Variants in GRIK2 observed in about 807,000 individuals in gnomAD.
The protein encoded by GRIK2 is glutamate ionotropic receptor kainate type subunit 2.
GRIK2 carries 32 observed loss-of-function variants against 100.3 expected under a neutral mutation model. The ratio of observed to expected loss-of-function variants is 0.32; its 90% CI spans 0.24 to 0.43. The LOEUF (loss-of-function observed/expected upper bound fraction) is 0.43, where lower values mean the gene tolerates loss of function less well. Ranked by LOEUF, GRIK2 falls within the 20% of genes least tolerant of loss-of-function variation. GRIK2 has a pLI of 1.00. For synonymous variants in GRIK2, 417 were observed against 389.4 expected (o/e 1.07, Z -0.83); for missense variants, 843 against 1,114.9 (o/e 0.76, Z 3.47).
chr6:101,965,869 G>A (rs1158183853), intron 14 of GRIK2, among the ~76,000 whole-genome samples: 3 of 151,988 alleles, frequency 2.0e-5, no homozygotes, highest in African/African-American at 4.8e-5. Context: ...ATCCTTGTCT[G>A]TATAAAACAA....
At chr6:102,021,730 C>A (rs1055992055) in intron 14 of GRIK2, among the ~76,000 whole-genome samples, 9 of 151,278 alleles carry the variant, frequency 5.9e-5, no homozygotes, top group Non-Finnish European at 4.4e-5. Context: ...ATATCTAATT[C>A]TCATACATTT....
chr6:101,579,768 T>C (rs1311661940), intron 2 of GRIK2, among the ~76,000 whole-genome samples: 1 of 151,506 alleles, frequency 6.6e-6, no homozygotes, highest in Non-Finnish European at 1.5e-5. Context: ...GGAGAATCAC[T>C]TGAACCCAGG....
At chr6:102,044,973 T>C (rs945382798) in intron 15 of GRIK2, among the ~76,000 whole-genome samples, 1 of 152,026 alleles carries the variant, frequency 6.6e-6, no homozygotes, top group Admixed American at 6.6e-5. Context: ...TAGTATTTGG[T>C]ATATAATATT....
At chr6:101,414,161 G>A (rs1776005167) in intron 2 of GRIK2, among the ~76,000 whole-genome samples, 1 of 152,218 alleles carries the variant, frequency 6.6e-6, no homozygotes, top group Non-Finnish European at 1.5e-5. Flanking sequence ...GAGGCATCTA[G>A]CAGTTCTTAG....
chr6:101,611,827 C>A (rs1002067424), intron 2 of GRIK2, among the ~76,000 whole-genome samples: 12 of 151,796 alleles, frequency 7.9e-5, no homozygotes, highest in Non-Finnish European at 1.3e-4. Context: ...CCACGGGTCA[C>A]ATGTATATAT....
chr6:101,863,412 G>A (rs914317671), intron 11 of GRIK2, among the ~76,000 whole-genome samples: 2 of 152,076 alleles, frequency 1.3e-5, no homozygotes, highest in Non-Finnish European at 2.9e-5. Context: ...GTTCTCTGCT[G>A]GGGCTGTACT....
chr6:101,552,640 C>T (rs1365844734), intron 2 of GRIK2, among the ~76,000 whole-genome samples: 1 of 152,138 alleles, frequency 6.6e-6, no homozygotes, highest in East Asian at 1.9e-4. Context: ...CTTTGTTGGT[C>T]TTTGAGATGC....
intron 7 of GRIK2, among the ~76,000 whole-genome samples, chr6:101,726,337 C>G (rs1252306268): frequency 2.6e-5 from 4 of 151,928 alleles, no homozygotes; most frequent in African/African-American, 4.8e-5. Context: ...TTTCCAGAAG[C>G]TAATGAAAGG....
At position 101,855,497 on chromosome 6, in the gene GRIK2, G is replaced by A. The variant is rs144268057; in HGVS notation, c.1318-3790G>A. ...GGTTAAATGACGAGAAAACAACCATGTGAAGATCTTAAGATAGATCTTCCC... is the reference window on the plus strand; with the variant it reads ...GGTTAAATGACGAGAAAACAACCATATGAAGATCTTAAGATAGATCTTCCC... On this transcript the variant is annotated intron_variant, in intron 10 of 16. Coordinates refer to ENST00000369134, the MANE Select transcript of GRIK2 (RefSeq NM_021956.5). Among the ~76,000 whole-genome samples, 128 of 152,224 alleles carry A rather than the reference G, an allele frequency of 8.4e-4. No homozygotes were observed. In the East Asian group the frequency reaches 0.017, roughly 21 times the overall value.
At chr6:101,684,869 G>A (rs1273927105) in intron 6 of GRIK2, among the ~76,000 whole-genome samples, 1 of 152,084 alleles carries the variant, frequency 6.6e-6, no homozygotes, top group Non-Finnish European at 1.5e-5. Context: ...TCCAGGTATA[G>A]GGCTGGATCC....
intron 14 of GRIK2, among the ~76,000 whole-genome samples, chr6:101,940,404 T>C (rs886665047): frequency 5.3e-5 from 8 of 152,280 alleles, no homozygotes; most frequent in African/African-American, 1.9e-4. Flanking sequence ...CTCTTACAGC[T>C]GAAACAAGTA....
chr6:101,967,444 T>C (rs1792758171), intron 14 of GRIK2, among the ~76,000 whole-genome samples: 1 of 152,096 alleles, frequency 6.6e-6, no homozygotes, highest in Non-Finnish European at 1.5e-5. Context: ...ATAAGCACTT[T>C]TTAAAAATAA....
At chr6:101,867,230 G>A (rs975422193) in intron 11 of GRIK2, among the ~76,000 whole-genome samples, 2 of 151,764 alleles carry the variant, frequency 1.3e-5, no homozygotes, top group African/African-American at 4.9e-5. Context: ...GCTACAACAT[G>A]TATGCCAGTA....
intron 13 of GRIK2, among the ~76,000 whole-genome samples, chr6:101,925,293 C>T (rs904482887): frequency 7.9e-5 from 12 of 151,848 alleles, no homozygotes; most frequent in Non-Finnish European, 1.6e-4. Flanking sequence ...AATACTTTTT[C>T]GTAATTATTT....
chr6:101,768,826 G>A (rs536927511), intron 7 of GRIK2, among the ~76,000 whole-genome samples: 1 of 152,160 alleles, frequency 6.6e-6, no homozygotes, highest in Admixed American at 6.5e-5. Context: ...TATATCATGA[G>A]ATTGTTAAAG....
At chr6:101,748,185 A>G (rs1490677061) in intron 7 of GRIK2, among the ~76,000 whole-genome samples, 1 of 152,200 alleles carries the variant, frequency 6.6e-6, no homozygotes, top group Non-Finnish European at 1.5e-5. Flanking sequence ...AAATTAATAA[A>G]AATGTCAGAA....
At chr6:101,795,093 C>T (rs1780201581) in intron 7 of GRIK2, among the ~76,000 whole-genome samples, 4 of 152,078 alleles carry the variant, frequency 2.6e-5, no homozygotes, top group Admixed American at 2.0e-4. Context: ...CCTCAAACTC[C>T]TGACTTCAGG....
intron 12 of GRIK2, among the ~76,000 whole-genome samples, chr6:101,897,325 A>G (rs1367630113): frequency 6.6e-6 from 1 of 151,682 alleles, no homozygotes; most frequent in Non-Finnish European, 1.5e-5. Context: ...ATCATTTTTT[A>G]CCAAGTGATA....
rs56847096 is a variant in GRIK2 at position 101,909,526 on chromosome 6, G to A, written c.1749-15075G>A. On this transcript the variant is annotated intron_variant, in intron 12 of 16. Coordinates refer to ENST00000369134, the MANE Select transcript of GRIK2 (RefSeq NM_021956.5). ...ATTTTGAGAAATTAAATAACTGATA[G>A]CTCAAAGAAATGAGTAGTCACAGAT... 4.3e-3 allele frequency among the ~76,000 whole-genome samples: 642 copies of A among 150,744 alleles called. 6 individuals are homozygous for A. The highest frequency in any genetic ancestry group is 0.015 in the African/African-American group (609 of 41,288).
Sources: gnomAD v4.1 joint callset for allele counts (sites outside exome capture counted in the v4.1 genomes callset) on GRCh38, gnomAD v4.1.1 for gene constraint, MANE v1.5 for transcripts, NCBI Gene and HGNC (gene_info 2026-07-23, HGNC 2026-07-21) for gene names.